Variants in KLHL13 observed in about 807,000 individuals in gnomAD.
KLHL13 encodes kelch like family member 13.
In KLHL13, 10 loss-of-function variants were observed where a neutral mutation model predicts 37.1. The observed-to-expected ratio is 0.27, with a 90% CI of 0.17 to 0.46. The LOEUF (loss-of-function observed/expected upper bound fraction) is 0.46. Ranked by LOEUF, KLHL13 falls within the 20% of genes least tolerant of loss-of-function variation. The probability of loss-of-function intolerance (pLI) is 1.00; values close to 1 mark genes in which losing one functional copy is unlikely to be tolerated. For missense variants in KLHL13, 360 were observed against 509.3 expected (o/e 0.71, Z 2.82); for synonymous variants, 163 against 181.2 (o/e 0.90, Z 0.81).
intron 1 of KLHL13, chrX:117,985,192 T>C: frequency 1.1e-6 from 1 of 934,407 alleles, no homozygotes; most frequent in Non-Finnish European, 1.5e-6. Flanking sequence ...CTTGCTATTT[T>C]AATGAGTAAG....
intron 1 of KLHL13, among the ~76,000 whole-genome samples, chrX:118,005,276 G>T (rs2053968974): frequency 9.0e-6 from 1 of 111,588 alleles, no homozygotes; most frequent in Admixed American, 9.5e-5. Context: ...AAACTATCTT[G>T]CATGGAGGGC....
chrX:118,112,733 G>A (rs1157592979), intron 1 of KLHL13, among the ~76,000 whole-genome samples: 1 of 111,906 alleles, frequency 8.9e-6, no homozygotes, highest in Non-Finnish European at 1.9e-5. Flanking sequence ...CCTATGGAAT[G>A]TCAATAATCA....
chrX:118,070,006 T>C (rs2054841094), intron 1 of KLHL13, among the ~76,000 whole-genome samples: 3 of 112,201 alleles, frequency 2.7e-5, no homozygotes, highest in African/African-American at 6.5e-5. Context: ...TATATTTAGA[T>C]ACACAAATAC....
At position 117,946,467 on chromosome X, in the gene KLHL13, AAAAATGTGCCATTATTAAT is replaced by A. The variant is rs1353025098; in HGVS notation, c.99-911_99-893del. ...TAGTTTAAAAATCTCAGGTTATACT[AAAAATGTGCCATTATTAAT>A]AACCTTTCATCATTCCTTAGAAGAG... On this transcript the variant is annotated intron_variant, in intron 1 of 6. Transcript: ENST00000262820. 3 of 112,293 alleles carry A rather than the reference AAAAATGTGCCATTATTAAT, an allele frequency of 2.7e-5. No individual in the cohort carries two copies. In the East Asian group the frequency reaches 8.4e-4, roughly 31 times the overall value. 9.3% of individuals were successfully genotyped at this position (112,293 alleles called of 1,213,427 possible).
chrX:118,111,105 C>T (rs180894352), intron 1 of KLHL13, among the ~76,000 whole-genome samples: 1 of 112,727 alleles, frequency 8.9e-6, no homozygotes, highest in African/African-American at 3.2e-5. Flanking sequence ...ACAGCAACAA[C>T]ATACTATGTG....
At chrX:118,088,210 C>T (rs1380781594) in intron 1 of KLHL13, among the ~76,000 whole-genome samples, 2 of 112,057 alleles carry the variant, frequency 1.8e-5, no homozygotes, top group Non-Finnish European at 3.8e-5. Flanking sequence ...TTTCCTCAAT[C>T]CAATCTACAT....
At chrX:118,001,868 CAAA>C (rs35056707) in intron 1 of KLHL13, among the ~76,000 whole-genome samples, 6 of 41,724 alleles carry the variant, frequency 1.4e-4, no homozygotes, top group Admixed American at 6.0e-4. Context: ...AAGACCCCGT[CAAA>C]AAAAAAAAAA....
rs5910289 is a variant in KLHL13 at position 118,083,548 on chromosome X, G to T, written c.-56+32960C>A. On this transcript the variant is annotated intron_variant, in intron 1 of 6. Transcript: ENST00000371882. ...TTTAAGTTTATCTCATAGAAGTAGA[G>T]AGTAGAATAGTGGTTATCAGAGGCT... 3.8e-3 allele frequency among the ~76,000 whole-genome samples: 430 copies of T among 111,725 alleles called. 1 individual carries two copies. The highest frequency in any genetic ancestry group is 6.9e-3 in the Non-Finnish European group (369 of 53,124).
Position 117,912,957 on chromosome X carries a change from T to C in KLHL13, c.571-2861A>G, listed in dbSNP as rs1210391014. ...TACCTGTTGAATTAATGTAGCAAAT[T>C]ACTAAAACCTTATTAATTTCAAAAT... On this transcript the variant is annotated intron_variant, in intron 4 of 6. Coordinates refer to ENST00000262820, the Ensembl canonical transcript of KLHL13. Among the ~76,000 whole-genome samples the C allele has an allele frequency of 3.6e-5, 4 of 111,981 alleles. No individual in the cohort carries two copies. The East Asian group carries it at 8.4e-4, about 24-fold the overall frequency.
At chrX:117,972,897 T>A (rs775210831) in exon 1 of KLHL13, 3 of 1,182,243 alleles carry the variant, frequency 2.5e-6, no homozygotes, top group Non-Finnish European at 3.4e-6. Flanking sequence ...AAGACTTCCA[T>A]TCCACACTGT....
chrX:117,975,519 TAGCTGGGATTACATGC>T (rs1271677505), upstream of KLHL13, among the ~76,000 whole-genome samples: 8 of 111,581 alleles, frequency 7.2e-5, 1 homozygote, highest in East Asian at 1.7e-3. Flanking sequence ...GCCTCTTGAG[TAGCTGGGATTACATGC>T]ACCTGCCACC....
chrX:118,054,727 G>GT (rs1212732447), intron 1 of KLHL13, among the ~76,000 whole-genome samples: 4 of 111,656 alleles, frequency 3.6e-5, no homozygotes, highest in East Asian at 5.6e-4. Context: ...TAGAAATATT[G>GT]TGAGTACTGT....
At position 118,014,918 on chromosome X, in the gene KLHL13, T is replaced by G. The variant is rs191598526; in HGVS notation, c.-55-69343A>C. Among the ~76,000 whole-genome samples the G allele has an allele frequency of 1.5e-3, 167 of 111,044 alleles. 1 individual carries two copies. The highest frequency in any genetic ancestry group is 4.3e-3 in the African/African-American group (129 of 29,792). On this transcript the variant is annotated intron_variant, in intron 1 of 6. Transcript: ENST00000371882. The stretch of plus-strand genomic sequence containing the variant: ...TTTACTGATGTCAAAATATTCAAAA[T>G]CTAATAAGAAAAACAGGGAGGTACA...
chrX:118,115,831 T>C (rs189267437), intron 1 of KLHL13, among the ~76,000 whole-genome samples: 89 of 112,425 alleles, frequency 7.9e-4, no homozygotes, highest in African/African-American at 2.6e-3. Context: ...GAAAGAAACT[T>C]TAAAGTTCCC....
intron 1 of KLHL13, among the ~76,000 whole-genome samples, chrX:118,075,026 T>C (rs1391994763): frequency 3.6e-5 from 4 of 112,075 alleles, no homozygotes; most frequent in Non-Finnish European, 7.5e-5. Flanking sequence ...CTCAGATCAT[T>C]GCTCTTTTCC....
intron 1 of KLHL13, among the ~76,000 whole-genome samples, chrX:118,053,798 T>TGAGAGAGAGAGAGAGAGAGGAGAG (rs2054646099): frequency 3.9e-4 from 10 of 25,530 alleles, no homozygotes; most frequent in African/African-American, 1.7e-3. Context: ...TGTGTGTGTG[T>TGAGAGAGAGAGAGAGAGAGGAGAG]GAGAGAGAGA....
At chrX:118,069,108 G>GACACACACACACAC (rs1569307938) in intron 1 of KLHL13, among the ~76,000 whole-genome samples, 2 of 73,280 alleles carry the variant, frequency 2.7e-5, no homozygotes, top group African/African-American at 2.3e-4. Flanking sequence ...ATCCAGAAGA[G>GACACACACACACAC]TCACACACAC....
chrX:118,013,988 G>A (rs769535697), intron 1 of KLHL13, among the ~76,000 whole-genome samples: 5 of 111,983 alleles, frequency 4.5e-5, no homozygotes, highest in South Asian at 7.5e-4. Context: ...CTTCGTAAGC[G>A]GAGAATGTAT....
At chrX:117,968,492 G>A (rs2053473473) in intron 1 of KLHL13, among the ~76,000 whole-genome samples, 1 of 111,832 alleles carries the variant, frequency 8.9e-6, no homozygotes, top group African/African-American at 3.2e-5. Context: ...CAAAGAACAT[G>A]CCACAAAAGT....
Sources: allele counts gnomAD v4.1 joint callset (sites outside exome capture counted in the v4.1 genomes callset), GRCh38; gene constraint gnomAD v4.1.1; transcripts MANE v1.5; gene names NCBI Gene and HGNC (gene_info 2026-07-23, HGNC 2026-07-21).